The following DBH variants were observed in gnomAD, a reference collection of about 807,000 sequenced individuals.
DBH encodes the protein dopamine beta-hydroxylase.
In DBH, 49 loss-of-function variants were observed where a neutral mutation model predicts 64.0. That is an observed-to-expected ratio of 0.77 (90% CI 0.61 to 0.97). The LOEUF (loss-of-function observed/expected upper bound fraction) is 0.97, where lower values mean the gene tolerates loss of function less well. Ranked by LOEUF, DBH falls within the 50% of genes least tolerant of loss-of-function variation. The pLI is 0.00. For synonymous variants in DBH, 343 were observed against 347.1 expected (o/e 0.99, Z 0.13); for missense variants, 828 against 826.6 (o/e 1.00, Z -0.02).
At chr9:133,654,890 C>G (rs977894313) in intron 9 of DBH, 1 of 152,302 alleles carries the variant, frequency 6.6e-6, no homozygotes, top group Non-Finnish European at 1.5e-5. Flanking sequence ...GCAGGTGGAG[C>G]ACCCCAGGCA....
intron 5 of DBH, among the ~76,000 whole-genome samples, chr9:133,645,454 C>G (rs1832171553): frequency 6.6e-6 from 1 of 152,116 alleles, no homozygotes; most frequent in African/African-American, 2.4e-5. Flanking sequence ...ATTTATGGAT[C>G]CTTTGCCAAA....
chr9:133,644,471 TC>T, intron 5 of DBH, 151 bp downstream of exon 5: 1 of 730,864 alleles, frequency 1.4e-6, no homozygotes, highest in Non-Finnish European at 2.4e-6. Context: ...TCATCCGCTG[TC>T]CATCTTCCAT....
At chr9:133,651,913 C>A (rs1484105871) in intron 7 of DBH, 136 bp downstream of exon 7, 1 of 924,806 alleles carries the variant, frequency 1.1e-6, no homozygotes, top group Non-Finnish European at 1.7e-6. Flanking sequence ...ACCCGCCCCC[C>A]ACCCATGTGG....
At position 133,658,792 on chromosome 9, in the gene DBH, T is replaced by G. The variant is rs778693307; in HGVS notation, c.*345T>G. ...GCCTCACTGGGTGTGGCCTGGCTTC[T>G]GGGACAGGCACCATGCTGGGCCGGG... On this transcript the variant is annotated 3_prime_UTR_variant, in exon 12 of 12. Transcript: ENST00000393056. The G allele has an allele frequency of 5.6e-6, 1 of 179,620 alleles. No individual in the cohort carries two copies. Among genetic ancestry groups the G allele is most frequent in the Non-Finnish European group, 1.2e-5 (1 of 86,266 alleles). 11.1% of individuals were successfully genotyped at this position (179,620 alleles called of 1,614,324 possible). A position where few individuals can be genotyped will look rare whatever the true frequency, so the allele number is the denominator to read the frequency against.
intron 1 of DBH, among the ~76,000 whole-genome samples, chr9:133,637,808 A>C (rs1418943824): frequency 6.6e-6 from 1 of 152,226 alleles, no homozygotes; most frequent in Non-Finnish European, 1.5e-5. Context: ...AGTGAGGCTT[A>C]GGGCCACCCA....
In DBH at chr9:133,639,822, G is replaced by A. The variant is rs1477145389; in HGVS notation, c.340-24G>A. 3 of 1,603,792 alleles carry A rather than the reference G, an allele frequency of 1.9e-6. No homozygotes were observed. In the African/African-American group the frequency reaches 4.0e-5, roughly 21 times the overall value. On this transcript the variant is annotated intron_variant, in intron 1 of 11. Coordinates refer to ENST00000393056, the MANE Select transcript of DBH (RefSeq NM_000787.4). ...GGCCCGGCTTGGCTCCTTCATGCCT[G>A]GAGCCCAGTGCTTGTCTCTGCAGGA...
Position 133,643,509 on chromosome 9 carries a change from G to A in DBH, c.841G>A (p.Gly281Arg), listed in dbSNP as rs747491059. Reference protein sequence around the residue: ...PEMDSVPHFSGPCDSKMKPDR... With the variant: ...PEMDSVPHFSRPCDSKMKPDR... ...GATGGACAGCGTCCCCCACTTCAGC[G>A]GGCCCTGCGACTCCAAGATGAAACC... Residue 281 changes from glycine to arginine, a missense_variant, in exon 4 of 12, where the codon GGG (glycine) becomes AGG (arginine). By Grantham distance (125) the Gly-to-Arg change is moderately radical. Transcript: ENST00000393056. The surrounding 1 kb of genome is among the most constrained non-coding windows in gnomAD (Gnocchi z 5.3). 27 of 1,613,368 alleles carry A rather than the reference G, an allele frequency of 1.7e-5. No homozygotes were observed. The East Asian group carries it at 3.1e-4, about 19-fold the overall frequency.
intron 5 of DBH, among the ~76,000 whole-genome samples, chr9:133,647,136 C>T (rs1455434541): frequency 6.6e-6 from 1 of 152,198 alleles, no homozygotes; most frequent in Non-Finnish European, 1.5e-5. Flanking sequence ...TGGGGGGCCA[C>T]ATTCTCACTC....
chr9:133,656,081 C>G, intron 9 of DBH: 1 of 312,446 alleles, frequency 3.2e-6, no homozygotes, highest in Non-Finnish European at 6.2e-6. Flanking sequence ...GAAAGGGCCT[C>G]CCTTGCAGTC....
intron 6 of DBH, among the ~76,000 whole-genome samples, 158 bp from the exon 7 acceptor site, chr9:133,651,476 T>C (rs905155921): frequency 6.6e-6 from 1 of 152,222 alleles, no homozygotes; most frequent in African/African-American, 2.4e-5. Context: ...AGGTTTCTGA[T>C]GGTGGCTCTA....
In DBH at chr9:133,647,998, A is replaced by T. The variant is rs769305729; in HGVS notation, c.1177A>T (p.Lys393Ter). 1 of 1,612,826 alleles carries T rather than the reference A, an allele frequency of 6.2e-7. No individual in the cohort carries two copies. The highest frequency in any genetic ancestry group is 8.5e-7 in the Non-Finnish European group (1 of 1,179,758). Residue 393 changes from lysine (K) to a stop codon, truncating the protein, a stop_gained, in exon 6 of 12, where the codon AAG becomes TAG. Transcript: ENST00000393056. LOFTEE classifies it high-confidence loss of function. ...AFILTGYCTD[K>*]CTQLALPPSG... Reference sequence around the variant, plus strand: ...CATCCTCACTGGCTACTGCACGGACAAGTGCACCCAGCTGGTGAGTGGGGC... The same window carrying T: ...CATCCTCACTGGCTACTGCACGGACTAGTGCACCCAGCTGGTGAGTGGGGC...
In DBH at chr9:133,652,351, G is replaced by T; in HGVS notation, c.1374+67G>T. ...GCTGGGGTGGCTGAGAGGGCTGGGG[G>T]TGCCACCAGAAGGAGAGGGACACAG... On this transcript the variant is annotated intron_variant, in intron 8 of 11. Transcript: ENST00000393056. The T allele has an allele frequency of 5.7e-6, 9 of 1,568,844 alleles. No homozygotes were observed. The South Asian group carries it at 1.0e-4, about 17-fold the overall frequency.
At chr9:133,658,288 A>G in intron 11 of DBH, 28 bp from the exon 12 acceptor site, 4 of 1,613,042 alleles carry the variant, frequency 2.5e-6, no homozygotes, top group South Asian at 1.1e-5. Flanking sequence ...CTCCAGCCTC[A>G]GTTTACCTCC....
intron 11 of DBH, among the ~76,000 whole-genome samples, chr9:133,657,488 A>AGAGAGAGAG (rs1391820343): frequency 7.0e-6 from 1 of 142,854 alleles, no homozygotes; most frequent in Admixed American, 6.9e-5. Flanking sequence ...GGGAGAGAGG[A>AGAGAGAGAG]GAGAGAGAGG....
intron 6 of DBH, among the ~76,000 whole-genome samples, chr9:133,649,970 G>A (rs1464741035): frequency 1.3e-5 from 2 of 152,252 alleles, no homozygotes; most frequent in Admixed American, 6.5e-5. Flanking sequence ...CACAAATTCT[G>A]CAGCCAAAAT....
intron 5 of DBH, among the ~76,000 whole-genome samples, chr9:133,645,018 T>C (rs866024035): frequency 9.9e-5 from 15 of 152,102 alleles, no homozygotes; most frequent in Admixed American, 2.0e-4. Context: ...CACACACTTT[T>C]TCTCTCTCTC....
intron 9 of DBH, chr9:133,656,149 C>T (rs545005604): frequency 5.2e-4 from 174 of 336,426 alleles, no homozygotes; most frequent in African/African-American, 1.8e-3. Context: ...ATGGCCGGGA[C>T]GCTGGGTGCA....
chr9:133,652,007 C>A (rs559958596), intron 7 of DBH, among the ~76,000 whole-genome samples: 1 of 152,108 alleles, frequency 6.6e-6, no homozygotes, highest in Non-Finnish European at 1.5e-5. Flanking sequence ...TTCGGGAGAC[C>A]CAGGCGGCCC....
chr9:133,654,480 C>G (rs1564214170), intron 9 of DBH: 1 of 152,252 alleles, frequency 6.6e-6, no homozygotes, highest in African/African-American at 2.4e-5. Context: ...GGATTTGACC[C>G]AGGGTCTTGT....
Sources: allele counts gnomAD v4.1 joint callset (sites outside exome capture counted in the v4.1 genomes callset), GRCh38; gene constraint gnomAD v4.1.1; non-coding constraint Gnocchi (gnomAD v3.1); transcripts MANE v1.5; gene names NCBI Gene and HGNC (gene_info 2026-07-23, HGNC 2026-07-21).